Variants in MYO16 observed in about 807,000 individuals in gnomAD.
MYO16 encodes myosin XVI.
In MYO16, 94 loss-of-function variants were observed where a neutral mutation model predicts 205.3. The observed-to-expected ratio is 0.46, with a 90% CI of 0.39 to 0.54. The LOEUF is 0.54. MYO16 is among the 20% of genes least tolerant of loss of function. The probability of loss-of-function intolerance (pLI) is 0.00; values close to 1 mark genes in which losing one functional copy is unlikely to be tolerated. For synonymous variants in MYO16, 988 were observed against 954.0 expected, an observed-to-expected ratio of 1.04 and a Z score of -0.66; for missense variants, 2,315 against 2,387.5, an observed-to-expected ratio of 0.97 and a Z score of 0.63.
At chr13:108,856,892 CA>C (rs752320107) in intron 11 of MYO16, among the ~76,000 whole-genome samples, 4 of 152,128 alleles carry the variant, frequency 2.6e-5, no homozygotes, top group Admixed American at 1.3e-4. Flanking sequence ...TTTTATAAAG[CA>C]CAAATGTAAT....
intron 34 of MYO16, among the ~76,000 whole-genome samples, chr13:109,203,577 G>A (rs1423172451): frequency 6.6e-6 from 1 of 152,066 alleles, no homozygotes; most frequent in East Asian, 1.9e-4. Flanking sequence ...CTAATCCTCA[G>A]GCTTGATCCG....
intron 6 of MYO16, among the ~76,000 whole-genome samples, chr13:108,793,858 T>C (rs1886699787): frequency 6.6e-6 from 1 of 152,148 alleles, no homozygotes; most frequent in South Asian, 2.1e-4. Flanking sequence ...TATATATCAT[T>C]CTACCATAGA....
Position 108,992,443 on chromosome 13 carries a change from G to T in MYO16, c.2437G>T (p.Glu813Ter). ...TGAAGAGTTTCAAAAGAATGAATTTGAACAAGTAAGTAGTCTTTCTTTTAA... is the reference window on the plus strand; with the variant it reads ...TGAAGAGTTTCAAAAGAATGAATTTTAACAAGTAAGTAGTCTTTCTTTTAA... ...GFEEFQKNEF[E>*]QLCVNMTNEK... The change falls in exon 21 of 35, where the codon GAA becomes TAA. Residue 813 changes from glutamate to a stop codon, truncating the protein, a stop_gained. Transcript: ENST00000457511. LOFTEE classifies it high-confidence loss of function. 2.6e-6 allele frequency: 4 copies of T among 1,562,006 alleles called. No individual in the cohort carries two copies. In the South Asian group the frequency reaches 4.5e-5, roughly 17 times the overall value.
intron 11 of MYO16, among the ~76,000 whole-genome samples, chr13:108,859,695 T>TA (rs1276505951): frequency 6.6e-6 from 1 of 152,156 alleles, no homozygotes; most frequent in Non-Finnish European, 1.5e-5. Flanking sequence ...TCTGAATACT[T>TA]ACTGCCAGCA....
intron 22 of MYO16, among the ~76,000 whole-genome samples, chr13:109,016,437 C>A (rs1302718515): frequency 6.6e-6 from 1 of 152,158 alleles, no homozygotes; most frequent in East Asian, 1.9e-4. Flanking sequence ...AATGTGTATT[C>A]TGTTGATTTG....
chr13:108,682,015 T>TAAA (rs1478479837), intron 2 of MYO16, among the ~76,000 whole-genome samples: 1 of 152,188 alleles, frequency 6.6e-6, no homozygotes, highest in Admixed American at 6.5e-5. Context: ...ACAGACCTGC[T>TAAA]AAATCAGAAA....
chr13:108,889,973 A>G (rs547020074), intron 14 of MYO16, among the ~76,000 whole-genome samples: 5 of 152,212 alleles, frequency 3.3e-5, no homozygotes, highest in African/African-American at 1.2e-4. Context: ...GCTCTGTCAC[A>G]CAGGCTGGAG....
At chr13:108,782,710 G>T (rs1450835272) in intron 4 of MYO16, among the ~76,000 whole-genome samples, 3 of 152,168 alleles carry the variant, frequency 2.0e-5, no homozygotes, top group African/African-American at 7.2e-5. Context: ...CGTGCTGTTT[G>T]CAGCCTGGGG....
At chr13:109,021,267 G>T (rs770829577) in intron 23 of MYO16, among the ~76,000 whole-genome samples, 2 of 152,116 alleles carry the variant, frequency 1.3e-5, no homozygotes, top group Non-Finnish European at 2.9e-5. Context: ...CCACAGAAAA[G>T]AGTTACTAAG....
chr13:108,859,066 A>G (rs1375366925), intron 11 of MYO16, among the ~76,000 whole-genome samples: 3 of 152,010 alleles, frequency 2.0e-5, no homozygotes, highest in African/African-American at 7.2e-5. Context: ...TGCACTTCCT[A>G]TCCTTCTGCC....
intron 6 of MYO16, among the ~76,000 whole-genome samples, chr13:108,805,639 G>C (rs1301007158): frequency 6.6e-6 from 1 of 151,596 alleles, no homozygotes; most frequent in Non-Finnish European, 1.5e-5. Context: ...AATGTCATTT[G>C]AGTGTGATGA....
chr13:108,682,148 C>T (rs190556175), intron 2 of MYO16, among the ~76,000 whole-genome samples: 27 of 152,250 alleles, frequency 1.8e-4, no homozygotes, highest in East Asian at 7.7e-4. Flanking sequence ...TGATATTATC[C>T]GTTCAGGGGA....
chr13:109,158,182 G>T (rs1878172918), intron 32 of MYO16, among the ~76,000 whole-genome samples: 1 of 152,138 alleles, frequency 6.6e-6, no homozygotes, highest in Non-Finnish European at 1.5e-5. Context: ...TGAACCACGT[G>T]CTGTCCGTTC....
chr13:108,994,994 A>G (rs555334675), intron 21 of MYO16, among the ~76,000 whole-genome samples: 1 of 152,224 alleles, frequency 6.6e-6, no homozygotes, highest in Non-Finnish European at 1.5e-5. Context: ...GCTCCAAAAG[A>G]TTAAATGGAT....
intron 28 of MYO16, among the ~76,000 whole-genome samples, chr13:109,104,671 G>A (rs1251587531): frequency 2.0e-5 from 3 of 152,106 alleles, no homozygotes; most frequent in Admixed American, 6.6e-5. Context: ...ACAGGGGTGG[G>A]GGCAACTCAT....
At chr13:109,090,799 A>G (rs1888596446) in intron 27 of MYO16, among the ~76,000 whole-genome samples, 1 of 152,210 alleles carries the variant, frequency 6.6e-6, no homozygotes, top group South Asian at 2.1e-4. Context: ...TAAAAGAAAA[A>G]ATAACTAGTA....
intron 20 of MYO16, among the ~76,000 whole-genome samples, chr13:108,983,037 C>T (rs1337981324): frequency 1.3e-5 from 2 of 152,042 alleles, no homozygotes; most frequent in African/African-American, 2.4e-5. Context: ...ATCCGTCTCC[C>T]GACTGCCAGT....
At chr13:108,569,709 C>T in the MYO16 span, among the ~76,000 whole-genome samples, 2 of 152,096 alleles carry the variant, frequency 1.3e-5, no homozygotes, top group African/African-American at 4.8e-5. Flanking sequence ...AAGCAGATGT[C>T]CTTATCTTGT....
chr13:108,529,997 T>C, the MYO16 span, among the ~76,000 whole-genome samples: 1 of 152,198 alleles, frequency 6.6e-6, no homozygotes, highest in Non-Finnish European at 1.5e-5. Flanking sequence ...TTCCCAACAA[T>C]TTCCTGCCAT....
Sources: gnomAD v4.1 joint callset for allele counts (sites outside exome capture counted in the v4.1 genomes callset) on GRCh38, gnomAD v4.1.1 for gene constraint, MANE v1.5 for transcripts, NCBI Gene and HGNC (gene_info 2026-07-23, HGNC 2026-07-21) for gene names.